The following PRAMEF12 variants were observed in gnomAD, a reference collection of about 807,000 sequenced individuals.
PRAMEF12 encodes PRAME family member 12.
In PRAMEF12, 24 loss-of-function variants were observed where a neutral mutation model predicts 24.6. The observed-to-expected ratio is 0.98, with a 90% CI of 0.71 to 1.37. The LOEUF (loss-of-function observed/expected upper bound fraction) is 1.37, where lower values mean the gene tolerates loss of function less well. Among genes scored for constraint, PRAMEF12 ranks in the 40% most tolerant of loss-of-function variants. The probability of loss-of-function intolerance (pLI) is 0.00; values close to 1 mark genes in which losing one functional copy is unlikely to be tolerated. For missense variants in PRAMEF12, 646 were observed against 580.3 expected, an observed-to-expected ratio of 1.11 and a Z score of -1.16; for synonymous variants, 286 against 242.6, an observed-to-expected ratio of 1.18 and a Z score of -1.66.
intron 2 of PRAMEF12, 147 bp from the exon 3 acceptor site, chr1:12,776,864 C>T: frequency 2.4e-6 from 2 of 848,916 alleles, no homozygotes; most frequent in Non-Finnish European, 3.8e-6. Flanking sequence ...ATTGGGTCTG[C>T]CCTGAATGAG....
In PRAMEF12 at chr1:12,775,244, C is replaced by A. The variant is rs1639032031; in HGVS notation, c.287+90C>A. On this transcript the variant is annotated intron_variant, in intron 1 of 2. Transcript: ENST00000357726. ...GAAGGAGTGGGAGGCCCAAGGGTGG[C>A]CCAGAGACTTCTGATGGGGCTGGGG... is the stretch of plus-strand genomic sequence containing the variant. The A allele has an allele frequency of 4.3e-6, 6 of 1,406,856 alleles. No individual in the cohort carries two copies. In the African/African-American group the frequency reaches 7.2e-5, roughly 17 times the overall value. 87.1% of individuals were successfully genotyped at this position (1,406,856 alleles called of 1,614,324 possible).
intron 2 of PRAMEF12, 67 bp from the exon 3 acceptor site, chr1:12,776,944 A>G: frequency 6.0e-6 from 9 of 1,498,912 alleles, no homozygotes; most frequent in South Asian, 1.3e-5. Context: ...GGGTTGTGAA[A>G]AGTGTCATCT....
Position 12,777,207 on chromosome 1 carries a change from G to T in PRAMEF12, c.1060G>T (p.Asp354Tyr). The part of the protein sequence containing the change: ...EQAEATLQTL[D>Y]LEDCGIVDSQ... The stretch of plus-strand genomic sequence containing the variant: ...AGCTGAGGCCACCCTGCAGACCCTG[G>T]ACTTAGAGGACTGTGGGATCGTGGA... The change falls in exon 3 of 3, where the codon GAC (aspartate) becomes TAC (tyrosine). Residue 354 changes from aspartate (D) to tyrosine (Y), a missense_variant. Physicochemically the swap from Asp to Tyr is radical, Grantham distance 160. Coordinates refer to ENST00000357726, the MANE Select transcript of PRAMEF12 (RefSeq NM_001080830.5). 1.2e-6 allele frequency: 2 copies of T among 1,612,920 alleles called. No homozygotes were observed. The highest frequency in any genetic ancestry group is 1.3e-5 in the African/African-American group (1 of 74,998).
At position 12,776,957 on chromosome 1, in the gene PRAMEF12, C is replaced by T. The variant is rs963053564; in HGVS notation, c.864-54C>T. 6 of 1,534,136 alleles carry T rather than the reference C, an allele frequency of 3.9e-6. No individual in the cohort carries two copies. In the African/African-American group the frequency reaches 6.8e-5, roughly 17 times the overall value. On this transcript the variant is annotated intron_variant, in intron 2 of 2. Transcript: ENST00000357726. ...TTGGGTTGTGAAAAGTGTCATCTCT[C>T]ACCTTGAGGTCTTCCCCACCACTCT...
In PRAMEF12 at chr1:12,777,265, G is replaced by A. The variant is rs940075107; in HGVS notation, c.1118G>A (p.Ser373Asn). 6.2e-7 allele frequency: 1 copy of A among 1,612,490 alleles called. No homozygotes were observed. The highest frequency in any genetic ancestry group is 8.5e-7 in the Non-Finnish European group (1 of 1,179,898). The change falls in exon 3 of 3, where the codon AGC (serine) becomes AAC (asparagine). Residue 373 changes from serine (S) to asparagine (N), a missense_variant. Ser to Asn is a conservative substitution (Grantham distance 46). Transcript: ENST00000357726. ...SQLSAILPAL[S>N]RCSQLSTFSF... ...CTCAGCGCCATCCTGCCTGCCCTGAGCCGCTGCTCCCAGCTCAGCACCTTC... is the reference window on the plus strand; with the variant it reads ...CTCAGCGCCATCCTGCCTGCCCTGAACCGCTGCTCCCAGCTCAGCACCTTC...
chr1:12,775,069 T>C lies in PRAMEF12; in HGVS notation c.202T>C (p.Ser68Pro), dbSNP rs545355065. 4 of 1,614,070 alleles carry C rather than the reference T, an allele frequency of 2.5e-6. No individual in the cohort carries two copies. The African/African-American group carries it at 5.3e-5, about 22-fold the overall frequency. ...AWPFTCLPLG[S>P]LMKSCNLEIF... The stretch of plus-strand genomic sequence containing the variant: ...GCCCTTCACCTGCCTTCCTCTAGGG[T>C]CCCTGATGAAGTCATGTAATCTAGA... The change falls in exon 1 of 3, where the codon TCC becomes CCC. Residue 68 changes from serine to proline, a missense_variant. Transcript: ENST00000357726.
chr1:12,775,878 T>C lies in PRAMEF12; in HGVS notation c.623T>C (p.Val208Ala), dbSNP rs754467469. Residue 208 changes from valine to alanine, a missense_variant, in exon 2 of 3, where the codon GTG (valine) becomes GCG (alanine). By Grantham distance (64) the Val-to-Ala change is moderately conservative. Transcript: ENST00000357726. ...NTVELDCIQE[V>A]EVCCPWELSI... Reference sequence around the variant, plus strand: ...GTGGAGCTAGACTGTATCCAGGAGGTGGAAGTGTGCTGCCCGTGGGAGCTG... The same window carrying C: ...GTGGAGCTAGACTGTATCCAGGAGGCGGAAGTGTGCTGCCCGTGGGAGCTG... The C allele has an allele frequency of 1.2e-6, 2 of 1,613,884 alleles. No individual in the cohort carries two copies. Among genetic ancestry groups the C allele is most frequent in the South Asian group, 2.2e-5 (2 of 91,072 alleles).
rs555419369 is a variant in PRAMEF12, at chr1:12,777,875, A to G, written c.*276A>G. ...CCCCTGCACGGATGGTTGTAAAGAA[A>G]CAGTCAGAAATAAAGGGAAGCTGAG... On this transcript the variant is annotated 3_prime_UTR_variant, in exon 3 of 3. Coordinates refer to ENST00000357726, the MANE Select transcript of PRAMEF12 (RefSeq NM_001080830.5). 7.3e-5 allele frequency: 33 copies of G among 450,834 alleles called. 1 individual carries two copies. In the East Asian group the frequency reaches 1.3e-3, roughly 18 times the overall value. 27.9% of individuals were successfully genotyped at this position (450,834 alleles called of 1,614,324 possible). A position where few individuals can be genotyped will look rare whatever the true frequency, so the allele number is the denominator to read the frequency against.
Position 12,777,194 on chromosome 1 carries a change from C to A in PRAMEF12, c.1047C>A (p.Thr349=), listed in dbSNP as rs371643266. ...TTCTGCTGGAGCAAGCTGAGGCCAC[C>A]CTGCAGACCCTGGACTTAGAGGACT... ...LSVLLEQAEA[T]LQTLDLEDCG... The change falls in exon 3 of 3, where the codon ACC becomes ACA. Residue 349 remains threonine (T), a synonymous_variant. Coordinates refer to ENST00000357726, the MANE Select transcript of PRAMEF12 (RefSeq NM_001080830.5). 153 of 1,613,112 alleles carry A rather than the reference C, an allele frequency of 9.5e-5. No homozygotes were observed. Among genetic ancestry groups the A allele is most frequent in the Non-Finnish European group, 1.2e-4 (146 of 1,180,022 alleles).
In PRAMEF12 at chr1:12,777,561, T is replaced by C; in HGVS notation, c.1414T>C (p.Cys472Arg). 1.9e-6 allele frequency: 3 copies of C among 1,614,182 alleles called. No homozygotes were observed. Among genetic ancestry groups the C allele is most frequent in the Non-Finnish European group, 2.5e-6 (3 of 1,180,020 alleles). Residue 472 changes from cysteine (C) to arginine (R), a missense_variant, in exon 3 of 3, where the codon TGT becomes CGT. Physicochemically the swap from Cys to Arg is radical, Grantham distance 180 (BLOSUM62 -3). Transcript: ENST00000357726. Reference sequence around the variant, plus strand: ...CTCCTATGACCTGGAGCCCAGTCACTGTCTGTTGAATGCCTGCTGTCAGGG... The same window carrying C: ...CTCCTATGACCTGGAGCCCAGTCACCGTCTGTTGAATGCCTGCTGTCAGGG... ...RASYDLEPSHCLLNACCQGGF... is the reference protein window; with the variant it reads ...RASYDLEPSHRLLNACCQGGF...
chr1:12,775,499 A>G, intron 1 of PRAMEF12, 44 bp from the exon 2 acceptor site: 1 of 1,543,456 alleles, frequency 6.5e-7, no homozygotes, highest in South Asian at 1.2e-5. Flanking sequence ...ATAAAAGCTC[A>G]AATCCTTCCT....
intron 2 of PRAMEF12, among the ~76,000 whole-genome samples, 175 bp downstream of exon 2, chr1:12,776,293 A>G (rs781170896): frequency 6.6e-6 from 1 of 152,142 alleles, no homozygotes. Context: ...GGTGTCACAC[A>G]TCCATCCCAA....
Position 12,777,155 on chromosome 1 carries a change from T to A in PRAMEF12, c.1008T>A (p.Pro336=). 1 of 1,613,934 alleles carries A rather than the reference T, an allele frequency of 6.2e-7. No homozygotes were observed. The highest frequency in any genetic ancestry group is 1.1e-5 in the South Asian group (1 of 91,074). ...GCATCACACTGACCCATTTCAGTCC[T>A]GAGCCCCTCTCAGTTCTGCTGGAGC... is the stretch of plus-strand genomic sequence containing the variant. ...LRGITLTHFS[P]EPLSVLLEQA... is the part of the protein sequence containing the mutation. The change falls in exon 3 of 3, where the codon CCT becomes CCA. Residue 336 remains proline, a synonymous_variant. Coordinates refer to ENST00000357726, the MANE Select transcript of PRAMEF12 (RefSeq NM_001080830.5).
chr1:12,776,219 G>C (rs1272389612), intron 2 of PRAMEF12, 101 bp downstream of exon 2: 8 of 1,252,670 alleles, frequency 6.4e-6, no homozygotes, highest in Non-Finnish European at 9.2e-6. Flanking sequence ...TTGTGAGGAG[G>C]TAACAGCGAA....
chr1:12,775,149 CCCCAGGTGAGGTGA>C lies in PRAMEF12; in HGVS notation c.287+1_287+14del. 6.2e-7 allele frequency: 1 copy of C among 1,608,418 alleles called. No homozygotes were observed. The highest frequency in any genetic ancestry group is 8.5e-7 in the Non-Finnish European group (1 of 1,176,798). On this transcript the variant is annotated splice_donor_variant and splice_donor_5th_base_variant and coding_sequence_variant and intron_variant, in exon 1 of 3. Coordinates refer to ENST00000357726, the MANE Select transcript of PRAMEF12 (RefSeq NM_001080830.5). LOFTEE classifies it high-confidence loss of function. ...ATGCACTGCTTGCCCAGAAGGTTCG[CCCCAGGTGAGGTGA>C]CCCAGCTAACCAGGTGGGGAGGGCT... is the stretch of plus-strand genomic sequence containing the variant.
In PRAMEF12 at chr1:12,773,818, T is replaced by C. The variant is rs931585406; in HGVS notation, c.-1050T>C. Among the ~76,000 whole-genome samples the C allele has an allele frequency of 6.6e-6, 1 of 152,168 alleles. No individual in the cohort carries two copies. The highest frequency in any genetic ancestry group is 1.5e-5 in the Non-Finnish European group (1 of 68,026). On this transcript the variant is annotated 5_prime_UTR_variant, in exon 1 of 3. Transcript: ENST00000357726. ...CCCTGCAAACTGAGTCCAGATCTGGTAAGTCACCACCTCCTTAGGGTCATG... is the reference window on the plus strand; with the variant it reads ...CCCTGCAAACTGAGTCCAGATCTGGCAAGTCACCACCTCCTTAGGGTCATG...
chr1:12,777,220 G>A lies in PRAMEF12; in HGVS notation c.1073G>A (p.Cys358Tyr). ...CTGCAGACCCTGGACTTAGAGGACTGTGGGATCGTGGATTCCCAACTCAGC... is the reference window on the plus strand; with the variant it reads ...CTGCAGACCCTGGACTTAGAGGACTATGGGATCGTGGATTCCCAACTCAGC... Reference protein sequence around the residue: ...ATLQTLDLEDCGIVDSQLSAI... With the variant: ...ATLQTLDLEDYGIVDSQLSAI... The change falls in exon 3 of 3, where the codon TGT (cysteine) becomes TAT (tyrosine). Residue 358 changes from cysteine (C) to tyrosine (Y), a missense_variant. Coordinates refer to ENST00000357726, the MANE Select transcript of PRAMEF12 (RefSeq NM_001080830.5). The A allele has an allele frequency of 1.9e-6, 3 of 1,612,742 alleles. No individual in the cohort carries two copies. Among genetic ancestry groups the A allele is most frequent in the Non-Finnish European group, 2.5e-6 (3 of 1,179,964 alleles).
Position 12,775,857 on chromosome 1 carries a change from A to G in PRAMEF12, c.602A>G (p.Glu201Gly), listed in dbSNP as rs767215820. ...ATCATAGAGGTCCTGAACACGGTGG[A>G]GCTAGACTGTATCCAGGAGGTGGAA... ...HRIIEVLNTV[E>G]LDCIQEVEVC... The change falls in exon 2 of 3, where the codon GAG becomes GGG. Residue 201 changes from glutamate to glycine, a missense_variant. Physicochemically the swap from Glu to Gly is moderately conservative, Grantham distance 98. Transcript: ENST00000357726. 2.5e-6 allele frequency: 4 copies of G among 1,613,856 alleles called. No homozygotes were observed. In the East Asian group the frequency reaches 8.9e-5, roughly 36 times the overall value.
chr1:12,776,206 A>G, intron 2 of PRAMEF12, 88 bp downstream of exon 2: 1 of 1,373,716 alleles, frequency 7.3e-7, no homozygotes, highest in Non-Finnish European at 1.0e-6. Flanking sequence ...ACTGTGAGCC[A>G]GCTTGTGAGG....
Sources: gnomAD v4.1 joint callset for allele counts (sites outside exome capture counted in the v4.1 genomes callset) on GRCh38, gnomAD v4.1.1 for gene constraint, MANE v1.5 for transcripts, NCBI Gene and HGNC (gene_info 2026-07-23, HGNC 2026-07-21) for gene names.